The following GML variants were observed in gnomAD, a reference collection of about 807,000 sequenced individuals.
GML encodes the protein glycosylphosphatidylinositol anchored molecule like.
GML carries 5 observed loss-of-function variants against 8.2 expected under a neutral mutation model. The ratio of observed to expected loss-of-function variants is 0.61; its 90% CI spans 0.32 to 1.28. GML has a LOEUF of 1.28. Ranked by LOEUF, GML falls within the 50% of genes most tolerant of loss-of-function variation. The pLI is 0.06. For missense variants in GML, 191 were observed against 198.3 expected (o/e 0.96, Z 0.22); for synonymous variants, 72 against 69.0 (o/e 1.04, Z -0.22).
At position 142,846,435 on chromosome 8, in the gene GML, AAAC is replaced by A. The variant is rs771487905; in HGVS notation, c.226_228del (p.Asn76del). 2 of 1,612,698 alleles carry A rather than the reference AAAC, an allele frequency of 1.2e-6. No individual in the cohort carries two copies. Among genetic ancestry groups the A allele is most frequent in the South Asian group, 2.2e-5 (2 of 91,046 alleles). ...AACTACTTGTTTATAAGAACTGTAC[AAAC>A]AACTGCACATTTGTATATGCAGCTG... On this transcript the variant is annotated inframe_deletion, in exon 4 of 4. Coordinates refer to ENST00000220940, the MANE Select transcript of GML (RefSeq NM_002066.3).
chr8:142,841,930 CAT>C (rs754027409), intron 3 of GML, among the ~76,000 whole-genome samples: 5 of 152,188 alleles, frequency 3.3e-5, no homozygotes, highest in Admixed American at 6.5e-5. Flanking sequence ...TGCAACTTCA[CAT>C]GTCATTCTGT....
chr8:142,836,842 T>C (rs1160949635), intron 1 of GML, among the ~76,000 whole-genome samples: 10 of 152,334 alleles, frequency 6.6e-5, no homozygotes, highest in Admixed American at 5.9e-4. Flanking sequence ...TCTTGAGCGG[T>C]GCCCTTCCCC....
At chr8:142,839,248 A>G (rs1816388932) in intron 1 of GML, among the ~76,000 whole-genome samples, 1 of 152,142 alleles carries the variant, frequency 6.6e-6, no homozygotes, top group Non-Finnish European at 1.5e-5. Context: ...GCCCCTTCCA[A>G]GGGTGGACAC....
rs536405991 is a variant in GML, at chr8:142,839,975, G to A, written c.-22-441G>A. Among the ~76,000 whole-genome samples, 104 of 151,748 alleles carry A rather than the reference G, an allele frequency of 6.9e-4. 1 individual carries two copies. In the South Asian group the frequency reaches 0.021, roughly 31 times the overall value. On this transcript the variant is annotated intron_variant, in intron 1 of 3. Transcript: ENST00000220940. ...TCGCTCCCCTTCTGTAGTCACCTTG[G>A]CCCTCGTGTTGCTGAGCTGTGTGTG...
At chr8:142,843,291 CACACA>C (rs1563859574) in intron 3 of GML, among the ~76,000 whole-genome samples, 69 of 137,436 alleles carry the variant, frequency 5.0e-4, no homozygotes, top group African/African-American at 1.6e-3. Context: ...CACACACACA[CACACA>C]CACCATAACC....
chr8:142,846,769 A>T lies in GML; in HGVS notation c.*79A>T, dbSNP rs2130230772. 5 of 1,080,610 alleles carry T rather than the reference A, an allele frequency of 4.6e-6. No individual in the cohort carries two copies. Among genetic ancestry groups the T allele is most frequent in the South Asian group, 4.5e-5 (3 of 66,812 alleles). 66.9% of individuals were successfully genotyped at this position (1,080,610 alleles called of 1,614,324 possible). ...GCTCTCCATTATTCCCTTCTAAGCCAGAGACCCTTATCCACTGCTCCTCTA... is the reference window on the plus strand; with the variant it reads ...GCTCTCCATTATTCCCTTCTAAGCCTGAGACCCTTATCCACTGCTCCTCTA... On this transcript the variant is annotated 3_prime_UTR_variant, in exon 4 of 4. Coordinates refer to ENST00000220940, the MANE Select transcript of GML (RefSeq NM_002066.3).
chr8:142,845,424 A>G (rs1309525396), intron 3 of GML, among the ~76,000 whole-genome samples: 1 of 152,240 alleles, frequency 6.6e-6, no homozygotes, highest in Non-Finnish European at 1.5e-5. Context: ...ATTTCTGTAG[A>G]ATGGTGAACT....
At chr8:142,840,603 A>G (rs1176391099) in intron 2 of GML, 93 bp downstream of exon 2, 3 of 865,310 alleles carry the variant, frequency 3.5e-6, no homozygotes, top group Non-Finnish European at 5.9e-6. Context: ...ACGTGGAGCA[A>G]GCCTCCGTTA....
rs138790796 is a variant in GML, at chr8:142,841,148, C to T, written c.104C>T (p.Ala35Val). ...WTYSLRCHDC[A>V]VINDFNCPNI... is the part of the protein sequence containing the mutation. Reference sequence around the variant, plus strand: ...TACAGTTTGAGATGCCATGACTGTGCGGTCATAAATGACTTCAACTGTCCC... The same window carrying T: ...TACAGTTTGAGATGCCATGACTGTGTGGTCATAAATGACTTCAACTGTCCC... Residue 35 changes from alanine to valine, a missense_variant, in exon 3 of 4, where the codon GCG (alanine) becomes GTG (valine). Transcript: ENST00000220940. The T allele has an allele frequency of 5.3e-5, 84 of 1,576,356 alleles. No individual in the cohort carries two copies. The highest frequency in any genetic ancestry group is 1.6e-4 in the African/African-American group (12 of 74,244).
chr8:142,845,446 T>C (rs1256343297), intron 3 of GML, among the ~76,000 whole-genome samples: 3 of 152,212 alleles, frequency 2.0e-5, no homozygotes, highest in African/African-American at 7.2e-5. Flanking sequence ...CAATAAACTT[T>C]TTAAATGGAA....
rs564294417 is a variant in GML, at chr8:142,845,111, G to A, written c.182-1284G>A. 1.7e-3 allele frequency among the ~76,000 whole-genome samples: 264 copies of A among 152,348 alleles called. 1 individual carries two copies. The highest frequency in any genetic ancestry group is 6.0e-3 in the African/African-American group (251 of 41,576). On this transcript the variant is annotated intron_variant, in intron 3 of 3. Coordinates refer to ENST00000220940, the MANE Select transcript of GML (RefSeq NM_002066.3). ...TTTTGAGAATGAACAATATACAACA[G>A]TGTGCAACAATAGGGATAAATTTCA...
intron 1 of GML, among the ~76,000 whole-genome samples, chr8:142,839,703 G>A (rs1251863335): frequency 1.3e-5 from 2 of 152,168 alleles, no homozygotes; most frequent in East Asian, 3.9e-4. Context: ...AGGAGTAAGG[G>A]TGCAGTTGGG....
rs181038347 is a variant in GML, at chr8:142,841,583, T to C, written c.181+358T>C. Among the ~76,000 whole-genome samples the C allele has an allele frequency of 1.7e-3, 263 of 152,278 alleles. 1 individual carries two copies. Among genetic ancestry groups the C allele is most frequent in the Non-Finnish European group, 2.1e-3 (142 of 68,020 alleles). On this transcript the variant is annotated intron_variant, in intron 3 of 3. Coordinates refer to ENST00000220940, the MANE Select transcript of GML (RefSeq NM_002066.3). ...ACTGGCCATTCAATTTCTGGTAGTCTAGAGAGTGCTTCCAGCTCGGCAGGT... is the reference window on the plus strand; with the variant it reads ...ACTGGCCATTCAATTTCTGGTAGTCCAGAGAGTGCTTCCAGCTCGGCAGGT...
chr8:142,839,159 G>C (rs1417708768), intron 1 of GML, among the ~76,000 whole-genome samples: 1 of 152,064 alleles, frequency 6.6e-6, no homozygotes, highest in Non-Finnish European at 1.5e-5. Flanking sequence ...TGGAGACGGG[G>C]CTGCTGGGTC....
rs1223275614 is a variant in GML at position 142,837,717 on chromosome 8, C to T, written c.-22-2699C>T. ...TTCCCCTTGAACCTCATCCCACACA[C>T]CTGTTCCATCGGGGCCACTGGCTTA... On this transcript the variant is annotated intron_variant, in intron 1 of 3. Coordinates refer to ENST00000220940, the MANE Select transcript of GML (RefSeq NM_002066.3). 5.5e-5 allele frequency among the ~76,000 whole-genome samples: 8 copies of T among 145,434 alleles called. 1 individual carries two copies. Among genetic ancestry groups the T allele is most frequent in the African/African-American group, 2.1e-4 (8 of 38,888 alleles).
intron 3 of GML, among the ~76,000 whole-genome samples, chr8:142,844,094 A>G (rs1210253732): frequency 3.3e-5 from 3 of 90,382 alleles, no homozygotes; most frequent in Admixed American, 1.1e-4. Context: ...TCCTTAATCA[A>G]AACGGTTTGG....
chr8:142,840,388 C>A, intron 1 of GML, 28 bp from the exon 2 acceptor site: 1 of 1,388,004 alleles, frequency 7.2e-7, no homozygotes, highest in Middle Eastern at 1.8e-4. Flanking sequence ...GGCTCACTAA[C>A]GTGTTGTATG....
intron 2 of GML, 73 bp downstream of exon 2, chr8:142,840,583 A>T: frequency 9.2e-7 from 1 of 1,084,752 alleles, no homozygotes; most frequent in Non-Finnish European, 1.4e-6. Context: ...CACTGGGATG[A>T]TTGGCTGCAA....
intron 2 of GML, among the ~76,000 whole-genome samples, chr8:142,840,785 C>T (rs922951753): frequency 1.3e-5 from 2 of 152,150 alleles, no homozygotes; most frequent in African/African-American, 4.8e-5. Flanking sequence ...TCCAGGGAAA[C>T]CCAGGAGGAT....
Sources: allele counts gnomAD v4.1 joint callset (sites outside exome capture counted in the v4.1 genomes callset), GRCh38; gene constraint gnomAD v4.1.1; transcripts MANE v1.5; gene names NCBI Gene and HGNC (gene_info 2026-07-23, HGNC 2026-07-21).